The following THEMIS variants were observed in gnomAD, a reference collection of about 807,000 sequenced individuals.
The protein encoded by THEMIS is protein THEMIS.
Under a neutral mutation model 52.6 loss-of-function variants are expected in THEMIS, and 37 were observed. That is an observed-to-expected ratio of 0.70 (90% CI 0.54 to 0.93). The LOEUF is 0.93. Ranked by LOEUF, THEMIS falls within the 40% of genes least tolerant of loss-of-function variation. The pLI is 0.00. For missense variants in THEMIS, 808 were observed against 763.1 expected, an observed-to-expected ratio of 1.06 and a Z score of -0.69; for synonymous variants, 292 against 272.7, an observed-to-expected ratio of 1.07 and a Z score of -0.70.
chr6:127,839,386 GT>G, intron 2 of THEMIS, among the ~76,000 whole-genome samples: 2 of 152,086 alleles, frequency 1.3e-5, no homozygotes, highest in South Asian at 2.1e-4. Context: ...TGTACATACA[GT>G]TGTTTTACAT....
intron 4 of THEMIS, among the ~76,000 whole-genome samples, chr6:127,773,519 A>C (rs1244425282): frequency 6.6e-6 from 1 of 152,194 alleles, no homozygotes; most frequent in Non-Finnish European, 1.5e-5. Context: ...TACATATCTA[A>C]ATTTCTGTTA....
At chr6:127,698,831 T>C in the THEMIS span, among the ~76,000 whole-genome samples, 1 of 119,502 alleles carries the variant, frequency 8.4e-6, no homozygotes, top group Non-Finnish European at 2.1e-5. Flanking sequence ...GTTCCTAAAT[T>C]GTATGGCTTA....
chr6:127,842,230 G>A (rs991951218), intron 2 of THEMIS, among the ~76,000 whole-genome samples: 1 of 151,916 alleles, frequency 6.6e-6, no homozygotes, highest in African/African-American at 2.4e-5. Flanking sequence ...AAAGATGAAA[G>A]ATTGATCATT....
chr6:127,912,280 AG>A (rs1279496687), intron 1 of THEMIS, among the ~76,000 whole-genome samples: 1 of 152,202 alleles, frequency 6.6e-6, no homozygotes, highest in Non-Finnish European at 1.5e-5. Context: ...CTACCCCCAT[AG>A]TACCTAGGAA....
intron 3 of THEMIS, among the ~76,000 whole-genome samples, chr6:127,817,312 T>C (rs894479454): frequency 6.6e-6 from 1 of 152,132 alleles, no homozygotes; most frequent in African/African-American, 2.4e-5. Context: ...ATTCAGTAAA[T>C]ATATTCTATA....
In THEMIS at chr6:127,831,218, A is replaced by T. The variant is rs868719743; in HGVS notation, c.251-1284T>A. Among the ~76,000 whole-genome samples, 26 of 152,220 alleles carry T rather than the reference A, an allele frequency of 1.7e-4. No individual in the cohort carries two copies. The Middle Eastern group carries it at 0.01, about 61-fold the overall frequency. ...TCAAGATAACCAACTACTACAATAA[A>T]ATTTTACTACTTAAGATACAGATTT... is the stretch of plus-strand genomic sequence containing the variant. On this transcript the variant is annotated intron_variant, in intron 2 of 5. Transcript: ENST00000368248.
chr6:127,809,644 G>A (rs1777833175), intron 4 of THEMIS, among the ~76,000 whole-genome samples: 1 of 151,796 alleles, frequency 6.6e-6, no homozygotes, highest in Non-Finnish European at 1.5e-5. Flanking sequence ...ACCAAAGCAG[G>A]GATTCCCTGA....
chr6:127,768,909 T>G (rs1776285520), intron 4 of THEMIS, among the ~76,000 whole-genome samples: 1 of 152,190 alleles, frequency 6.6e-6, no homozygotes, highest in East Asian at 1.9e-4. Context: ...CAATCTTTCC[T>G]GTTTATCCTG....
chr6:127,854,016 T>A (rs1779517549), intron 2 of THEMIS, among the ~76,000 whole-genome samples: 1 of 151,744 alleles, frequency 6.6e-6, no homozygotes, highest in African/African-American at 2.4e-5. Context: ...TTGTTAAGAT[T>A]TATGAGATTT....
chr6:127,845,018 T>C (rs1220111840), intron 2 of THEMIS, among the ~76,000 whole-genome samples: 2 of 151,518 alleles, frequency 1.3e-5, no homozygotes, highest in South Asian at 2.1e-4. Context: ...CAGTGGTGCA[T>C]ATATTTGGAG....
chr6:127,786,117 C>G (rs1776939929), intron 4 of THEMIS, among the ~76,000 whole-genome samples: 1 of 152,068 alleles, frequency 6.6e-6, no homozygotes, highest in Non-Finnish European at 1.5e-5. Flanking sequence ...CACCCTGGGA[C>G]AATCCTCTCA....
At chr6:127,899,672 T>C (rs1438295483) in intron 1 of THEMIS, among the ~76,000 whole-genome samples, 1 of 151,722 alleles carries the variant, frequency 6.6e-6, no homozygotes, top group African/African-American at 2.4e-5. Context: ...AAATATCTTT[T>C]TAAAGTAGAC....
chr6:127,890,119 C>T (rs1780758616), intron 1 of THEMIS, among the ~76,000 whole-genome samples: 1 of 152,028 alleles, frequency 6.6e-6, no homozygotes, highest in Non-Finnish European at 1.5e-5. Context: ...TAATGATAAA[C>T]CTGCTGTATG....
upstream of THEMIS, among the ~76,000 whole-genome samples, chr6:127,901,480 C>A (rs755407026): frequency 2.6e-5 from 4 of 152,012 alleles, no homozygotes; most frequent in Non-Finnish European, 5.9e-5. Flanking sequence ...AAGTGCTTTG[C>A]GTCAGCTCTT....
At chr6:127,711,093 T>C (rs1562206701) in intron 5 of THEMIS, among the ~76,000 whole-genome samples, 2 of 151,760 alleles carry the variant, frequency 1.3e-5, no homozygotes, top group Admixed American at 6.6e-5. Context: ...CCTCTCTTCT[T>C]TTCTTCTTTG....
intron 4 of THEMIS, among the ~76,000 whole-genome samples, chr6:127,796,722 C>G (rs944488292): frequency 4.6e-5 from 7 of 152,118 alleles, no homozygotes; most frequent in Non-Finnish European, 8.8e-5. Context: ...TATGTATAGA[C>G]ACGCACACAT....
Position 127,823,421 on chromosome 6 carries a change from G to A in THEMIS, c.709+6055C>T, listed in dbSNP as rs78238084. On this transcript the variant is annotated intron_variant, in intron 3 of 5. Transcript: ENST00000368248. ...TCATAATAAGTCAAATCTGGATATA[G>A]TGAGTGAGAAAACCCCCTTGTTACC... Among the ~76,000 whole-genome samples the A allele has an allele frequency of 2.7e-3, 418 of 152,192 alleles. 5 individuals carry two copies. Among genetic ancestry groups the A allele is most frequent in the African/African-American group, 9.9e-3 (409 of 41,516 alleles).
chr6:127,813,995 C>A (rs1778040608), intron 3 of THEMIS, 64 bp from the exon 4 acceptor site: 1 of 1,269,924 alleles, frequency 7.9e-7, no homozygotes, highest in South Asian at 1.7e-5. Context: ...GTGAGATACT[C>A]TCCTGATGCC....
rs186669419 is a variant in THEMIS, at chr6:127,732,242, T to C, written c.1759-12419A>G. ...TTGTCACTATGAGTGTTTGTAAATT[T>C]TCATTTCAATCATTTTTAGGATTTC... On this transcript the variant is annotated intron_variant, in intron 4 of 5. Coordinates refer to ENST00000368248, the MANE Select transcript of THEMIS (RefSeq NM_001010923.3). 8.6e-3 allele frequency among the ~76,000 whole-genome samples: 1,302 copies of C among 152,216 alleles called. 11 individuals are homozygous for C. Among genetic ancestry groups the C allele is most frequent in the South Asian group, 0.029 (140 of 4,814 alleles).
Sources: gnomAD v4.1 joint callset for allele counts (sites outside exome capture counted in the v4.1 genomes callset) on GRCh38, gnomAD v4.1.1 for gene constraint, MANE v1.5 for transcripts, NCBI Gene and HGNC (gene_info 2026-07-23, HGNC 2026-07-21) for gene names.